The following CCDC74A variants were observed in gnomAD, a reference collection of about 807,000 sequenced individuals.
The protein encoded by CCDC74A is coiled-coil domain containing 74A, also known as coiled-coil domain-containing protein 74A.
Under a neutral mutation model 37.6 loss-of-function variants are expected in CCDC74A, and 38 were observed. That is an observed-to-expected ratio of 1.01 (90% CI 0.78 to 1.33). The LOEUF (loss-of-function observed/expected upper bound fraction) is 1.33. CCDC74A is among the 40% of genes most tolerant of loss of function. CCDC74A has a pLI of 0.00. For missense variants in CCDC74A, 340 were observed against 403.4 expected, an observed-to-expected ratio of 0.84 and a Z score of 1.35; for synonymous variants, 134 against 165.2, an observed-to-expected ratio of 0.81 and a Z score of 1.45.
At chr2:131,526,778 G>GT (rs1680345740), upstream of CCDC74A, among the ~76,000 whole-genome samples, 1 of 152,192 alleles carries the variant, frequency 6.6e-6, no homozygotes, top group Admixed American at 6.5e-5. Flanking sequence ...TTAACTGGAG[G>GT]TGTCAGAGGC....
intron 2 of CCDC74A, chr2:131,530,148 A>G: frequency 1.3e-6 from 2 of 1,549,710 alleles, no homozygotes; most frequent in Non-Finnish European, 1.7e-6. Context: ...TCTGGGCAGC[A>G]ACCATGGGGA....
intron 7 of CCDC74A, 78 bp downstream of exon 7, chr2:131,533,147 G>A: frequency 6.2e-7 from 1 of 1,610,864 alleles, no homozygotes; most frequent in Non-Finnish European, 8.5e-7. Flanking sequence ...AGGGAGGGTG[G>A]CAGCGCAGAA....
At chr2:131,533,131 T>C in intron 7 of CCDC74A, 62 bp downstream of exon 7, 4 of 1,610,094 alleles carry the variant, frequency 2.5e-6, no homozygotes, top group East Asian at 2.2e-5. Context: ...AGGGAGGGAG[T>C]GGGGAAGGGA....
chr2:131,528,435 C>T, intron 1 of CCDC74A: 1 of 1,550,260 alleles, frequency 6.5e-7, no homozygotes, highest in Middle Eastern at 1.7e-4. Flanking sequence ...GTCTGCCTGT[C>T]TCGTAGGGCA....
chr2:131,528,460 G>A, intron 1 of CCDC74A: 4 of 1,549,022 alleles, frequency 2.6e-6, no homozygotes, highest in Non-Finnish European at 3.5e-6. Context: ...CATTTCAGAT[G>A]CTGACTCCGC....
chr2:131,527,191 C>T (rs1412885881), upstream of CCDC74A, among the ~76,000 whole-genome samples: 2 of 152,014 alleles, frequency 1.3e-5, no homozygotes, highest in Non-Finnish European at 2.9e-5. Context: ...CTCACTGCAA[C>T]CTCCACCTCC....
At chr2:131,523,094 CG>C (rs1374032158), upstream of CCDC74A, among the ~76,000 whole-genome samples, 1 of 152,112 alleles carries the variant, frequency 6.6e-6, no homozygotes, top group Non-Finnish European at 1.5e-5. Flanking sequence ...TTTGTAGAGA[CG>C]GGGTCTCACT....
At position 131,528,092 on chromosome 2, in the gene CCDC74A, T is replaced by A; in HGVS notation, c.122T>A (p.Leu41His). The change falls in exon 1 of 8, where the codon CTC (leucine) becomes CAC (histidine). Residue 41 changes from leucine (L) to histidine (H), a missense_variant. By Grantham distance (99) the Leu-to-His change is moderately conservative. This residue lies in a region of CCDC74A where 154 missense variants were observed against 153.9 expected (regional missense o/e 1.00). Transcript: ENST00000409856. ...TCCTTGAGGCCGCAGAGCCCGCAGCTCAGGCAGAGCGACCCGCAGAAACGG... is the reference window on the plus strand; with the variant it reads ...TCCTTGAGGCCGCAGAGCCCGCAGCACAGGCAGAGCGACCCGCAGAAACGG... ...VQSLRPQSPQ[L>H]RQSDPQKRNL... The A allele has an allele frequency of 6.2e-7, 1 of 1,613,110 alleles. No homozygotes were observed. The highest frequency in any genetic ancestry group is 8.5e-7 in the Non-Finnish European group (1 of 1,179,676).
Position 131,531,753 on chromosome 2 carries a change from C to T in CCDC74A, c.436C>T (p.Leu146Phe). ...QKADLEEEPL[L>F]HNSKLDKVPG... ...GGCGGACCTGGAAGAGGAGCCCCTA[C>T]TTCACAACAGCAAGCTGGACAAAGT... Residue 146 changes from leucine (L) to phenylalanine (F), a missense_variant, in exon 4 of 8, where the codon CTT (leucine) becomes TTT (phenylalanine). By Grantham distance (22) the Leu-to-Phe change is conservative. Around this residue, in one of 3 missense-constraint regions of CCDC74A, gnomAD observed 185 missense variants for 231.5 expected, o/e 0.80. Coordinates refer to ENST00000409856, the MANE Select transcript of CCDC74A (RefSeq NM_001258306.3). 1.3e-6 allele frequency: 2 copies of T among 1,522,804 alleles called. No individual in the cohort carries two copies. The highest frequency in any genetic ancestry group is 1.7e-6 in the Non-Finnish European group (2 of 1,151,738). 94.3% of individuals were successfully genotyped at this position (1,522,804 alleles called of 1,614,324 possible).
intron 1 of CCDC74A, among the ~76,000 whole-genome samples, chr2:131,528,858 G>C (rs1211952348): frequency 6.6e-6 from 1 of 152,152 alleles, no homozygotes; most frequent in Non-Finnish European, 1.5e-5. Flanking sequence ...GCCCAAGTGC[G>C]AGTGCGCAGC....
chr2:131,529,477 C>T, intron 1 of CCDC74A, 170 bp from the exon 2 acceptor site: 2 of 868,392 alleles, frequency 2.3e-6, no homozygotes, highest in Non-Finnish European at 3.8e-6. Flanking sequence ...CCTGGCCTGA[C>T]ACCCACGACG....
intron 1 of CCDC74A, among the ~76,000 whole-genome samples, chr2:131,528,884 C>T (rs1223563752): frequency 1.3e-5 from 2 of 152,162 alleles, no homozygotes; most frequent in Non-Finnish European, 2.9e-5. Flanking sequence ...GAATTTCTTC[C>T]AGCTAAACAC....
chr2:131,526,146 CT>C (rs369118247), upstream of CCDC74A, among the ~76,000 whole-genome samples: 352 of 126,564 alleles, frequency 2.8e-3, 1 homozygote, highest in African/African-American at 6.3e-3. Context: ...CTTTTTTTTC[CT>C]TTTTTTTTTT....
Position 131,530,759 on chromosome 2 carries a change from C to G in CCDC74A, c.296-18C>G. The G allele has an allele frequency of 1.9e-6, 3 of 1,612,872 alleles. No individual in the cohort carries two copies. Among genetic ancestry groups the G allele is most frequent in the Non-Finnish European group, 2.5e-6 (3 of 1,179,786 alleles). ...CGTCTTGCGGGCGGTAGCGCCGACACTGTGCGCTCTCCTGCAGACAGCCTC... is the reference window on the plus strand; with the variant it reads ...CGTCTTGCGGGCGGTAGCGCCGACAGTGTGCGCTCTCCTGCAGACAGCCTC... On this transcript the variant is annotated intron_variant, in intron 2 of 7. Transcript: ENST00000409856.
chr2:131,527,761 C>A (rs1330007538), upstream of CCDC74A: 10 of 734,316 alleles, frequency 1.4e-5, no homozygotes, highest in Non-Finnish European at 2.0e-5. Context: ...TCCCAAACTT[C>A]GGGGATTACA....
At chr2:131,527,660 A>C, upstream of CCDC74A, 25 of 342,324 alleles carry the variant, frequency 7.3e-5, no homozygotes, top group East Asian at 1.1e-4. Context: ...ACACCCGGCT[A>C]CATTTTGTAT....
At chr2:131,528,839 G>C (rs574175959) in intron 1 of CCDC74A, among the ~76,000 whole-genome samples, 1 of 152,242 alleles carries the variant, frequency 6.6e-6, no homozygotes, top group Non-Finnish European at 1.5e-5. Context: ...ACTTTATACA[G>C]GGAAACGTGC....
upstream of CCDC74A, among the ~76,000 whole-genome samples, chr2:131,523,718 T>C (rs554371234): frequency 3.3e-5 from 5 of 152,322 alleles, no homozygotes; most frequent in South Asian, 8.3e-4. Flanking sequence ...AAAGTGTTAA[T>C]TGAATGCAGA....
chr2:131,529,469 TG>T, intron 1 of CCDC74A, 177 bp from the exon 2 acceptor site: 2 of 829,156 alleles, frequency 2.4e-6, no homozygotes, highest in Non-Finnish European at 4.1e-6. Flanking sequence ...GGGCCATTCC[TG>T]GCCTGACACC....
Sources: gnomAD v4.1 joint callset for allele counts (sites outside exome capture counted in the v4.1 genomes callset) on GRCh38, gnomAD v4.1.1 for gene constraint, gnomAD v4.1.1 regional missense constraint, MANE v1.5 for transcripts, NCBI Gene and HGNC (gene_info 2026-07-23, HGNC 2026-07-21) for gene names.